Variants in SGMS1 observed in about 807,000 individuals in gnomAD.
The protein encoded by SGMS1 is phosphatidylcholine:ceramide cholinephosphotransferase 1.
A neutral mutation model predicts 46.2 loss-of-function variants in SGMS1; 13 were observed. That is an observed-to-expected ratio of 0.28 (90% confidence interval 0.18 to 0.45). The LOEUF is 0.45. Among genes scored for constraint, SGMS1 ranks in the 20% least tolerant of loss-of-function variants. The probability of loss-of-function intolerance (pLI) is 1.00; values close to 1 mark genes in which losing one functional copy is unlikely to be tolerated. For synonymous variants in SGMS1, 203 were observed against 187.8 expected (o/e 1.08, Z -0.66); for missense variants, 324 against 519.9 (o/e 0.62, Z 3.66).
chr10:50,360,227 A>G (rs774576335), intron 6 of SGMS1, among the ~76,000 whole-genome samples: 1 of 152,228 alleles, frequency 6.6e-6, no homozygotes, highest in Non-Finnish European at 1.5e-5. Context: ...CGTACAAGCC[A>G]AACCACCAAA....
intron 3 of SGMS1, among the ~76,000 whole-genome samples, chr10:50,510,436 T>C (rs945798842): frequency 3.3e-5 from 5 of 152,196 alleles, no homozygotes; most frequent in Non-Finnish European, 7.4e-5. Flanking sequence ...TGGTATATGT[T>C]TAACTTTGTA....
chr10:50,392,850 T>TA (rs1237242566), intron 6 of SGMS1, among the ~76,000 whole-genome samples: 2 of 152,178 alleles, frequency 1.3e-5, no homozygotes, highest in Admixed American at 1.3e-4. Flanking sequence ...TGCTGGGAGA[T>TA]ACGGATATGG....
chr10:50,542,824 G>GT (rs948053260), intron 2 of SGMS1, among the ~76,000 whole-genome samples: 3 of 142,176 alleles, frequency 2.1e-5, no homozygotes, highest in African/African-American at 7.8e-5. Context: ...TTCCTGCAGG[G>GT]TTTTTTTGGT....
At chr10:50,338,701 A>G (rs1847757775) in intron 7 of SGMS1, among the ~76,000 whole-genome samples, 1 of 151,534 alleles carries the variant, frequency 6.6e-6, no homozygotes. Flanking sequence ...ATGTTAACTG[A>G]GTCTAAGTCA....
intron 6 of SGMS1, among the ~76,000 whole-genome samples, chr10:50,354,066 T>G (rs984845771): frequency 1.3e-5 from 2 of 151,256 alleles, no homozygotes; most frequent in Admixed American, 6.6e-5. Context: ...CCAATGACTT[T>G]CTTCACAGAA....
chr10:50,614,135 G>A (rs1053638443), intron 1 of SGMS1, among the ~76,000 whole-genome samples: 2 of 150,584 alleles, frequency 1.3e-5, no homozygotes, highest in African/African-American at 2.4e-5. Context: ...GCCAATGGAA[G>A]GGGGAATGAA....
chr10:50,515,211 G>A (rs57999700), intron 3 of SGMS1, among the ~76,000 whole-genome samples: 11,679 of 152,138 alleles, frequency 0.077, 1,116 homozygotes, highest in East Asian at 0.37. Flanking sequence ...CTAAAGTACT[G>A]GAGACACAGG....
At chr10:50,396,973 AGTACGGGACACTCAAAATGT>A (rs1437320033) in intron 6 of SGMS1, among the ~76,000 whole-genome samples, 3 of 152,168 alleles carry the variant, frequency 2.0e-5, no homozygotes, top group African/African-American at 7.2e-5. Context: ...CAGGAGCTCA[AGTACGGGACACTCAAAATGT>A]GAATATCCGT....
chr10:50,374,985 A>G (rs1253776333), intron 6 of SGMS1, among the ~76,000 whole-genome samples: 2 of 152,140 alleles, frequency 1.3e-5, no homozygotes, highest in African/African-American at 4.8e-5. Flanking sequence ...AAGTAAGATA[A>G]TCTAGGATTG....
chr10:50,582,600 G>T (rs1328551873), intron 2 of SGMS1, among the ~76,000 whole-genome samples: 1 of 152,144 alleles, frequency 6.6e-6, no homozygotes, highest in African/African-American at 2.4e-5. Context: ...CCAAGCAAGT[G>T]CCCACCCTGG....
intron 2 of SGMS1, among the ~76,000 whole-genome samples, chr10:50,551,704 C>T (rs1227195555): frequency 2.6e-5 from 4 of 152,000 alleles, no homozygotes; most frequent in Non-Finnish European, 5.9e-5. Flanking sequence ...ACAAAACTGT[C>T]TTTGGCTCCT....
At chr10:50,615,195 T>A (rs758897911) in intron 1 of SGMS1, among the ~76,000 whole-genome samples, 8 of 152,302 alleles carry the variant, frequency 5.3e-5, no homozygotes, top group South Asian at 2.1e-4. Context: ...ACTGAATGCC[T>A]GCCGACATGT....
At chr10:50,611,342 C>G (rs1271800002) in intron 1 of SGMS1, among the ~76,000 whole-genome samples, 1 of 152,234 alleles carries the variant, frequency 6.6e-6, no homozygotes, top group Non-Finnish European at 1.5e-5. Context: ...CACACCACGA[C>G]ACTTGTGACA....
At chr10:50,353,044 T>C (rs939446285) in intron 6 of SGMS1, among the ~76,000 whole-genome samples, 1 of 152,196 alleles carries the variant, frequency 6.6e-6, no homozygotes, top group African/African-American at 2.4e-5. Context: ...TCTGAAACTA[T>C]TCCAATCAAT....
chr10:50,399,664 T>C (rs1283932471), intron 6 of SGMS1, among the ~76,000 whole-genome samples: 1 of 152,164 alleles, frequency 6.6e-6, no homozygotes, highest in African/African-American at 2.4e-5. Flanking sequence ...GGAAGATATA[T>C]ACCAGATTGT....
At chr10:50,483,000 G>A (rs183192102) in intron 3 of SGMS1, among the ~76,000 whole-genome samples, 65 of 152,296 alleles carry the variant, frequency 4.3e-4, no homozygotes, top group African/African-American at 1.5e-3. Flanking sequence ...TCCACAAGAA[G>A]AGCTAATTAT....
intron 6 of SGMS1, among the ~76,000 whole-genome samples, chr10:50,368,193 A>T (rs193206069): frequency 1.2e-4 from 19 of 152,372 alleles, no homozygotes; most frequent in East Asian, 3.9e-4. Context: ...TCATGCAAAC[A>T]TACTGCATAT....
intron 2 of SGMS1, among the ~76,000 whole-genome samples, chr10:50,538,542 T>G (rs904194155): frequency 1.3e-5 from 2 of 149,736 alleles, no homozygotes; most frequent in Non-Finnish European, 3.0e-5. Flanking sequence ...AGTGGGACCC[T>G]CCCACTCCCA....
At chr10:50,564,930 G>A (rs746061228) in intron 2 of SGMS1, among the ~76,000 whole-genome samples, 15 of 152,066 alleles carry the variant, frequency 9.9e-5, no homozygotes, top group South Asian at 8.3e-4. Context: ...GCCCTCTCTG[G>A]TCTTCATGTC....
Sources: allele counts gnomAD v4.1 joint callset (sites outside exome capture counted in the v4.1 genomes callset), GRCh38; gene constraint gnomAD v4.1.1; transcripts MANE v1.5; gene names NCBI Gene and HGNC (gene_info 2026-07-23, HGNC 2026-07-21).